KIFC3: variants seen among roughly 807,000 people sequenced by gnomAD.
KIFC3 encodes the protein kinesin family member C3, also known as kinesin-like protein KIFC3.
In KIFC3, 60 loss-of-function variants were observed where a neutral mutation model predicts 101.8. The ratio of observed to expected loss-of-function variants is 0.59; its 90% CI spans 0.48 to 0.73. The LOEUF (loss-of-function observed/expected upper bound fraction) is 0.73. Among genes scored for constraint, KIFC3 ranks in the 30% least tolerant of loss-of-function variants. The pLI is 0.00. For synonymous variants in KIFC3, 476 were observed against 482.7 expected, an observed-to-expected ratio of 0.99 and a Z score of 0.18; for missense variants, 966 against 1,137.1, an observed-to-expected ratio of 0.85 and a Z score of 2.16.
chr16:57,824,003 A>G (rs1460566200), intron 1 of KIFC3, among the ~76,000 whole-genome samples: 2 of 152,170 alleles, frequency 1.3e-5, no homozygotes, highest in African/African-American at 4.8e-5. Context: ...AAAAGAAAGA[A>G]AGAAATGCAT....
At chr16:57,817,633 T>C (rs1468554614) in intron 1 of KIFC3, among the ~76,000 whole-genome samples, 2 of 152,132 alleles carry the variant, frequency 1.3e-5, no homozygotes, top group Non-Finnish European at 2.9e-5. Context: ...CTCCCTCTTC[T>C]TAGGAGGACA....
intron 1 of KIFC3, among the ~76,000 whole-genome samples, chr16:57,817,660 T>C (rs1312192441): frequency 3.0e-4 from 46 of 152,208 alleles, no homozygotes; most frequent in Admixed American, 3.0e-3. Context: ...ATATTGGACT[T>C]AAGGCCTACG....
intron 10 of KIFC3, among the ~76,000 whole-genome samples, chr16:57,766,182 G>A (rs2148901976): frequency 6.6e-6 from 1 of 152,140 alleles, no homozygotes; most frequent in East Asian, 1.9e-4. Flanking sequence ...AGCCTTTGTT[G>A]GGATCCCTGT....
intron 1 of KIFC3, among the ~76,000 whole-genome samples, chr16:57,811,057 T>C (rs2055059734): frequency 6.6e-6 from 1 of 152,194 alleles, no homozygotes; most frequent in Non-Finnish European, 1.5e-5. Context: ...CTGGAAGGGA[T>C]GGTCCTCATT....
intron 1 of KIFC3, among the ~76,000 whole-genome samples, chr16:57,844,514 G>A (rs1314855624): frequency 2.0e-5 from 3 of 151,590 alleles, no homozygotes; most frequent in African/African-American, 7.3e-5. Flanking sequence ...CCATAGCCTC[G>A]TGTCTCTGAG....
intron 1 of KIFC3, among the ~76,000 whole-genome samples, chr16:57,859,012 A>G (rs1389266524): frequency 2.0e-5 from 3 of 152,254 alleles, no homozygotes; most frequent in Non-Finnish European, 4.4e-5. Flanking sequence ...ATTGCTATGT[A>G]TATGAAGACA....
In KIFC3 at chr16:57,802,416, T is replaced by TCGGCA. The variant is rs2054795372; in HGVS notation, c.-87_-86insTGCCG. 1 of 982,528 alleles carries TCGGCA rather than the reference T, an allele frequency of 1.0e-6. No individual in the cohort carries two copies. The highest frequency in any genetic ancestry group is 1.2e-6 in the Non-Finnish European group (1 of 828,926). 60.9% of individuals were successfully genotyped at this position (982,528 alleles called of 1,614,324 possible). ...CAGGCGTCGCCGCAGCGCCCGGGGC[T>TCGGCA]CGGCCCGGCCCGGCCCGCCGGCAGG... On this transcript the variant is annotated 5_prime_UTR_variant, in exon 1 of 20. Coordinates refer to ENST00000445690, the MANE Select transcript of KIFC3 (RefSeq NM_001130100.2). The surrounding 1 kb of genome is among the most constrained non-coding windows in gnomAD (Gnocchi z 5.0).
intron 3 of KIFC3, among the ~76,000 whole-genome samples, chr16:57,790,082 T>TTTCTTTTC: frequency 2.8e-5 from 1 of 35,702 alleles, no homozygotes; most frequent in South Asian, 7.9e-4. Context: ...TTCTTTCTTT[T>TTTCTTTTC]TTTTTTTTTT....
intron 6 of KIFC3, 99 bp downstream of exon 6, chr16:57,771,099 C>T (rs2051125821): frequency 7.0e-7 from 1 of 1,435,764 alleles, no homozygotes; most frequent in African/African-American, 1.4e-5. Context: ...CCCACACACA[C>T]CTACCTATTC....
chr16:57,816,960 C>T (rs1262045396), intron 1 of KIFC3: 4 of 338,020 alleles, frequency 1.2e-5, no homozygotes, highest in Non-Finnish European at 2.3e-5. Context: ...TCACTACATG[C>T]CGGGCACCAT....
At chr16:57,758,979 G>A in intron 19 of KIFC3, 70 bp from the exon 20 acceptor site, 2 of 1,539,008 alleles carry the variant, frequency 1.3e-6, no homozygotes, top group African/African-American at 1.4e-5. Flanking sequence ...TTGCCACCGA[G>A]AGCAGGAGGG....
intron 3 of KIFC3, among the ~76,000 whole-genome samples, chr16:57,783,580 C>G (rs1231421593): frequency 6.7e-6 from 1 of 149,150 alleles, no homozygotes. Flanking sequence ...TCAAGCAATT[C>G]TCCTGCCTCA....
At chr16:57,765,693 C>T (rs1171616988) in intron 10 of KIFC3, 53 bp from the exon 11 acceptor site, 16 of 1,508,196 alleles carry the variant, frequency 1.1e-5, no homozygotes, top group African/African-American at 2.7e-5. Context: ...AGACCAGTCT[C>T]CATTCTGGTC....
At chr16:57,851,100 T>G (rs2056048423) in intron 1 of KIFC3, among the ~76,000 whole-genome samples, 1 of 151,916 alleles carries the variant, frequency 6.6e-6, no homozygotes, top group African/African-American at 2.4e-5. Flanking sequence ...AGCCTCAAGC[T>G]CCTAGGCTCC....
chr16:57,812,406 G>T (rs2055107736), intron 1 of KIFC3, among the ~76,000 whole-genome samples: 3 of 150,758 alleles, frequency 2.0e-5, no homozygotes, highest in Admixed American at 2.0e-4. Context: ...TTGCCTTCTG[G>T]GAATAGGGCC....
In KIFC3 at chr16:57,847,283, G is replaced by A. The variant is rs1324173180; in HGVS notation, c.108+15446C>T. ...GGAAGGAAGGAAGGGAAGGGAGGGAGGGAGAGAGGGCGGGGAGGGAGGGAG... is the reference window on the plus strand; with the variant it reads ...GGAAGGAAGGAAGGGAAGGGAGGGAAGGAGAGAGGGCGGGGAGGGAGGGAG... On this transcript the variant is annotated intron_variant, in intron 1 of 2. Transcript: ENST00000563028. Among the ~76,000 whole-genome samples, 135 of 129,496 alleles carry A rather than the reference G, an allele frequency of 1.0e-3. 1 individual carries two copies. The highest frequency in any genetic ancestry group is 3.6e-3 in the African/African-American group (123 of 34,352). The allele number at this position is 129,496 out of a possible 152,430, so 85.0% of individuals were successfully genotyped here.
chr16:57,823,544 A>G (rs113212151), intron 1 of KIFC3, among the ~76,000 whole-genome samples: 1,640 of 152,284 alleles, frequency 0.011, 26 homozygotes, highest in African/African-American at 0.037. Flanking sequence ...GTTTTTAGGA[A>G]ACATACAGTG....
At chr16:57,817,323 C>T (rs1316981105) in intron 1 of KIFC3, among the ~76,000 whole-genome samples, 1 of 151,432 alleles carries the variant, frequency 6.6e-6, no homozygotes, top group Non-Finnish European at 1.5e-5. Context: ...CGCACCATTG[C>T]ACTCCAGCCT....
upstream of KIFC3, among the ~76,000 whole-genome samples, chr16:57,804,648 G>A (rs1555626555): frequency 6.6e-5 from 10 of 152,182 alleles, no homozygotes; most frequent in East Asian, 1.9e-4. Context: ...GGAGTGCAGT[G>A]ATGCAATCAT....
Sources: allele counts gnomAD v4.1 joint callset (sites outside exome capture counted in the v4.1 genomes callset), GRCh38; gene constraint gnomAD v4.1.1; non-coding constraint Gnocchi (gnomAD v3.1); transcripts MANE v1.5; gene names NCBI Gene and HGNC (gene_info 2026-07-23, HGNC 2026-07-21).